The following DGKB variants were observed in gnomAD, a reference collection of about 807,000 sequenced individuals.
DGKB encodes diacylglycerol kinase beta.
A neutral mutation model predicts 114.3 loss-of-function variants in DGKB; 67 were observed. The observed-to-expected ratio is 0.59, with a 90% confidence interval of 0.48 to 0.72. The LOEUF is 0.72. Among genes scored for constraint, DGKB ranks in the 30% least tolerant of loss-of-function variants. The pLI, the probability that DGKB is intolerant of heterozygous loss-of-function variation, is 0.00. For synonymous variants in DGKB, 398 were observed against 323.1 expected, an observed-to-expected ratio of 1.23 and a Z score of -2.49; for missense variants, 907 against 975.2, an observed-to-expected ratio of 0.93 and a Z score of 0.93.
intron 4 of DGKB, among the ~76,000 whole-genome samples, chr7:14,752,159 C>T (rs1834225982): frequency 2.0e-5 from 3 of 152,040 alleles, no homozygotes; most frequent in African/African-American, 7.2e-5. Flanking sequence ...TTATCCTTTC[C>T]ATAATGGAAA....
chr7:14,820,935 G>C (rs1305939880), intron 2 of DGKB, among the ~76,000 whole-genome samples: 5 of 152,098 alleles, frequency 3.3e-5, no homozygotes, highest in Non-Finnish European at 5.9e-5. Flanking sequence ...TATTATCTTA[G>C]ACCAGGCTTT....
intron 2 of DGKB, among the ~76,000 whole-genome samples, chr7:14,813,612 C>T (rs189471749): frequency 2.0e-5 from 3 of 152,130 alleles, no homozygotes; most frequent in Admixed American, 2.0e-4. Flanking sequence ...ATTTTTAACT[C>T]AAAATTAAAC....
intron 2 of DGKB, among the ~76,000 whole-genome samples, chr7:14,823,836 C>T (rs1231027348): frequency 6.6e-6 from 1 of 152,116 alleles, no homozygotes; most frequent in Non-Finnish European, 1.5e-5. Context: ...GCCTACTAAT[C>T]TATATTAACA....
chr7:14,813,528 CTCTT>C (rs1255207176), intron 2 of DGKB, among the ~76,000 whole-genome samples: 1 of 152,118 alleles, frequency 6.6e-6, no homozygotes, highest in Non-Finnish European at 1.5e-5. Flanking sequence ...CATTTCTCTC[CTCTT>C]TCTTATCTAA....
intron 21 of DGKB, among the ~76,000 whole-genome samples, chr7:14,376,308 T>C (rs1421921305): frequency 6.6e-6 from 1 of 152,200 alleles, no homozygotes; most frequent in Non-Finnish European, 1.5e-5. Context: ...CCTGGTAACA[T>C]TTTATATTTC....
intron 24 of DGKB, 79 bp from the exon 25 acceptor site, chr7:14,176,978 A>AT: frequency 1.9e-6 from 3 of 1,549,166 alleles, no homozygotes; most frequent in Non-Finnish European, 8.8e-7. Context: ...TAAGATGATG[A>AT]GACCAGGGAA....
chr7:14,350,967 T>A (rs563701747), intron 21 of DGKB, among the ~76,000 whole-genome samples: 2 of 152,264 alleles, frequency 1.3e-5, no homozygotes, highest in Admixed American at 1.3e-4. Context: ...TCATTTCAAA[T>A]CTGGTTTTAA....
chr7:14,368,804 C>T (rs976048706), intron 21 of DGKB, among the ~76,000 whole-genome samples: 2 of 152,124 alleles, frequency 1.3e-5, no homozygotes, highest in East Asian at 1.9e-4. Context: ...TTAGGGAAAA[C>T]GCTTGTGAGG....
At chr7:14,394,156 A>T (rs1362521337) in intron 21 of DGKB, among the ~76,000 whole-genome samples, 1 of 152,142 alleles carries the variant, frequency 6.6e-6, no homozygotes, top group African/African-American at 2.4e-5. Context: ...CAGCATATTA[A>T]CTTTTGCCTG....
At chr7:14,875,801 C>T (rs894103578) in intron 1 of DGKB, among the ~76,000 whole-genome samples, 2 of 151,996 alleles carry the variant, frequency 1.3e-5, no homozygotes, top group African/African-American at 4.8e-5. Context: ...TTTCTTAAAA[C>T]ATTATGAGGT....
chr7:14,905,990 A>G (rs150390830), upstream of DGKB, among the ~76,000 whole-genome samples: 1,224 of 152,272 alleles, frequency 8.0e-3, 67 homozygotes, highest in Admixed American at 0.074. Context: ...TTTCATATCT[A>G]TCACTCACAG....
At chr7:14,460,787 A>G (rs1445504469) in intron 21 of DGKB, among the ~76,000 whole-genome samples, 1 of 152,170 alleles carries the variant, frequency 6.6e-6, no homozygotes, top group Non-Finnish European at 1.5e-5. Flanking sequence ...TCCACCCCAA[A>G]TCAACAGAAA....
At chr7:14,692,238 C>T (rs1454651198) in intron 9 of DGKB, among the ~76,000 whole-genome samples, 1 of 151,990 alleles carries the variant, frequency 6.6e-6, no homozygotes, top group Non-Finnish European at 1.5e-5. Context: ...ACTGACTGTC[C>T]CTTTCTGCAC....
chr7:14,180,355 A>G (rs1357605243), intron 23 of DGKB, among the ~76,000 whole-genome samples: 1 of 152,118 alleles, frequency 6.6e-6, no homozygotes, highest in Non-Finnish European at 1.5e-5. Context: ...CCATATTGCT[A>G]CTGTCTACCA....
intron 23 of DGKB, among the ~76,000 whole-genome samples, chr7:14,288,902 G>T (rs1254696521): frequency 6.6e-6 from 1 of 152,142 alleles, no homozygotes; most frequent in African/African-American, 2.4e-5. Flanking sequence ...TGTTGCTCTT[G>T]AGTGGAAGGC....
intron 23 of DGKB, among the ~76,000 whole-genome samples, chr7:14,225,245 A>T (rs888751230): frequency 1.4e-4 from 22 of 152,156 alleles, no homozygotes; most frequent in Non-Finnish European, 7.4e-5. Context: ...CAGCCTTCAA[A>T]CTGGCATGGG....
At chr7:14,403,715 G>A (rs970521455) in intron 21 of DGKB, among the ~76,000 whole-genome samples, 1 of 151,950 alleles carries the variant, frequency 6.6e-6, no homozygotes, top group Non-Finnish European at 1.5e-5. Flanking sequence ...CTATTTACAT[G>A]TGACTGCTTT....
intron 21 of DGKB, among the ~76,000 whole-genome samples, chr7:14,358,548 G>GA (rs1174693597): frequency 6.6e-6 from 1 of 152,110 alleles, no homozygotes. Context: ...TGTATATTTA[G>GA]AAAACCCCAT....
chr7:14,253,000 G>A (rs1275669267), intron 23 of DGKB, among the ~76,000 whole-genome samples: 1 of 151,844 alleles, frequency 6.6e-6, no homozygotes, highest in Non-Finnish European at 1.5e-5. Context: ...CTTAGCTCTT[G>A]TGAAGATATC....
Sources: gnomAD v4.1 joint callset for allele counts (sites outside exome capture counted in the v4.1 genomes callset) on GRCh38, gnomAD v4.1.1 for gene constraint, MANE v1.5 for transcripts, NCBI Gene and HGNC (gene_info 2026-07-23, HGNC 2026-07-21) for gene names.